Variants in CPEB3 observed in about 807,000 individuals in gnomAD.
CPEB3 encodes the protein cytoplasmic polyadenylation element binding protein 3.
CPEB3 carries 20 observed loss-of-function variants against 67.2 expected under a neutral mutation model. The observed-to-expected ratio is 0.30, with a 90% CI of 0.21 to 0.43. CPEB3 has a LOEUF of 0.43. Among genes scored for constraint, CPEB3 ranks in the 20% least tolerant of loss-of-function variants. The pLI is 1.00. For synonymous variants in CPEB3, 376 were observed against 393.1 expected (o/e 0.96, Z 0.51); for missense variants, 746 against 968.6 (o/e 0.77, Z 3.05).
At chr10:92,189,531 A>G (rs1460897430) in intron 3 of CPEB3, among the ~76,000 whole-genome samples, 1 of 152,184 alleles carries the variant, frequency 6.6e-6, no homozygotes, top group East Asian at 1.9e-4. Context: ...TATCCAGATT[A>G]ATAGGCAGCC....
At chr10:92,065,593 CCA>C (rs1169663269) in intron 9 of CPEB3, among the ~76,000 whole-genome samples, 1 of 152,146 alleles carries the variant, frequency 6.6e-6, no homozygotes, top group Non-Finnish European at 1.5e-5. Flanking sequence ...AATTTCAACC[CCA>C]GTTCACTGTT....
intron 7 of CPEB3, 43 bp from the exon 8 acceptor site, chr10:92,091,987 A>G (rs758449954): frequency 8.6e-7 from 1 of 1,160,480 alleles, no homozygotes; most frequent in Non-Finnish European, 1.3e-6. Context: ...CATTTCCATC[A>G]ACCCCAAATG....
intron 2 of CPEB3, among the ~76,000 whole-genome samples, chr10:92,206,976 C>T (rs938681960): frequency 3.3e-5 from 5 of 151,894 alleles, no homozygotes; most frequent in African/African-American, 9.7e-5. Flanking sequence ...TGAGAAGGTA[C>T]ACTTCTTTTT....
At chr10:92,199,152 G>A (rs1365004043) in intron 2 of CPEB3, among the ~76,000 whole-genome samples, 1 of 150,938 alleles carries the variant, frequency 6.6e-6, no homozygotes, top group South Asian at 2.1e-4. Flanking sequence ...AGCACTTTGG[G>A]AGGCTGAGGC....
chr10:92,085,764 C>T (rs1383354675), intron 8 of CPEB3, among the ~76,000 whole-genome samples: 1 of 152,080 alleles, frequency 6.6e-6, no homozygotes, highest in Non-Finnish European at 1.5e-5. Flanking sequence ...GTGCAGTCAC[C>T]ACGCCCAACT....
At chr10:92,145,136 A>C (rs1271989218) in intron 4 of CPEB3, 51 bp from the exon 5 acceptor site, 1 of 1,600,734 alleles carries the variant, frequency 6.2e-7, no homozygotes, top group East Asian at 2.2e-5. Context: ...GGGAGTTTCT[A>C]TAATTAAAAT....
intron 2 of CPEB3, among the ~76,000 whole-genome samples, chr10:92,235,091 T>G (rs11186868): frequency 0.22 from 33,735 of 152,078 alleles, 4,698 homozygotes; most frequent in Middle Eastern, 0.34. Flanking sequence ...ACTACAATGG[T>G]CAAAGGCTCT....
intron 2 of CPEB3, chr10:92,216,449 T>G: frequency 6.2e-7 from 1 of 1,612,806 alleles, no homozygotes; most frequent in Non-Finnish European, 8.5e-7. Flanking sequence ...GCTCCTGGCT[T>G]CTCGCCGCCT....
intron 1 of CPEB3, among the ~76,000 whole-genome samples, chr10:92,273,818 T>C (rs917193066): frequency 6.6e-6 from 1 of 152,162 alleles, no homozygotes; most frequent in African/African-American, 2.4e-5. Context: ...CAAGCAGTCA[T>C]TCAGGAAAGG....
rs1324244184 is a variant in CPEB3, at chr10:92,270,229, G to A, written c.-12+20697C>T. On this transcript the variant is annotated intron_variant, in intron 1 of 9. Transcript: ENST00000265997. ...TTCCATGATGAATAACTTCACGGCA[G>A]TTGTGATTAAAATGCTATGAAAAAG... 2.6e-5 allele frequency among the ~76,000 whole-genome samples: 4 copies of A among 152,208 alleles called. No individual in the cohort carries two copies. In the East Asian group the frequency reaches 7.7e-4, roughly 29 times the overall value.
chr10:92,256,628 G>A (rs184706303), intron 1 of CPEB3, among the ~76,000 whole-genome samples: 2 of 151,962 alleles, frequency 1.3e-5, no homozygotes, highest in East Asian at 1.9e-4. Flanking sequence ...CTCGTGATCC[G>A]CCCGCCTCAG....
In CPEB3 at chr10:92,239,376, G is replaced by T. The variant is rs1380652974; in HGVS notation, c.975C>A (p.Thr325=). 3 of 1,606,474 alleles carry T rather than the reference G, an allele frequency of 1.9e-6. No homozygotes were observed. Among genetic ancestry groups the T allele is most frequent in the Admixed American group, 3.4e-5 (2 of 59,044 alleles). Residue 325 remains threonine, a synonymous_variant, in exon 2 of 10, where the codon ACC becomes ACA. Transcript: ENST00000265997. The surrounding 1 kb of genome is among the most constrained non-coding windows in gnomAD (Gnocchi z 6.0). ...KSWMEDNAFR[T]DNGNNLLPFQ... is the part of the protein sequence containing the mutation. ...ATGGCAACAGATTGTTACCATTATC[G>T]GTCCGGAAAGCGTTATCCTCCATCC...
chr10:92,219,972 A>G lies in CPEB3; in HGVS notation c.1005+19374T>C, dbSNP rs1273535787. Among the ~76,000 whole-genome samples, 4 of 152,216 alleles carry G rather than the reference A, an allele frequency of 2.6e-5. No individual in the cohort carries two copies. The East Asian group carries it at 7.7e-4, about 29-fold the overall frequency. On this transcript the variant is annotated intron_variant, in intron 2 of 9. Coordinates refer to ENST00000265997, the MANE Select transcript of CPEB3 (RefSeq NM_014912.5). ...CAGGAGTTCGATACCAGCCTGGCCA[A>G]TGTGGCAAAACCCCATCTCTGCTAA...
At chr10:92,101,381 T>C (rs999787589) in intron 7 of CPEB3, among the ~76,000 whole-genome samples, 7 of 152,146 alleles carry the variant, frequency 4.6e-5, no homozygotes, top group Admixed American at 2.6e-4. Flanking sequence ...TCTACATAAA[T>C]TGGAAAAACA....
At chr10:92,267,683 G>A (rs978692458) in intron 1 of CPEB3, among the ~76,000 whole-genome samples, 2 of 152,100 alleles carry the variant, frequency 1.3e-5, no homozygotes, top group African/African-American at 4.8e-5. Flanking sequence ...TGATGATGGT[G>A]GCAGAGATGG....
chr10:92,183,495 C>T (rs969429466), intron 3 of CPEB3, among the ~76,000 whole-genome samples: 1 of 152,174 alleles, frequency 6.6e-6, no homozygotes, highest in African/African-American at 2.4e-5. Context: ...AATGTTCTCA[C>T]CATCGTTTTT....
intron 2 of CPEB3, among the ~76,000 whole-genome samples, chr10:92,209,862 G>A (rs1481996761): frequency 1.3e-5 from 2 of 149,808 alleles, no homozygotes; most frequent in Admixed American, 6.7e-5. Context: ...ACTTGTACCC[G>A]AGAGGCGGAG....
intron 6 of CPEB3, among the ~76,000 whole-genome samples, chr10:92,142,766 G>A (rs1846496692): frequency 6.6e-6 from 1 of 152,134 alleles, no homozygotes; most frequent in African/African-American, 2.4e-5. Context: ...TCAAAATAAT[G>A]AAAATTAGCA....
At chr10:92,080,502 T>G (rs1008173197) in intron 9 of CPEB3, among the ~76,000 whole-genome samples, 1 of 151,894 alleles carries the variant, frequency 6.6e-6, no homozygotes, top group Non-Finnish European at 1.5e-5. Context: ...GCATATATGG[T>G]GGAAGCAGGA....
Sources: gnomAD v4.1 joint callset for allele counts (sites outside exome capture counted in the v4.1 genomes callset) on GRCh38, gnomAD v4.1.1 for gene constraint, Gnocchi (gnomAD v3.1) non-coding constraint, MANE v1.5 for transcripts, NCBI Gene and HGNC (gene_info 2026-07-23, HGNC 2026-07-21) for gene names.